LSAMP: variants seen among roughly 807,000 people sequenced by gnomAD.
LSAMP encodes the protein limbic system associated membrane protein, also known as limbic system-associated membrane protein.
LSAMP carries 7 observed loss-of-function variants against 38.6 expected under a neutral mutation model. That is an observed-to-expected ratio of 0.18 (90% confidence interval 0.10 to 0.34). LSAMP has a LOEUF of 0.34. Ranked by LOEUF, LSAMP falls within the 10% of genes least tolerant of loss-of-function variation. The pLI, the probability that LSAMP is intolerant of heterozygous loss-of-function variation, is 1.00. For synonymous variants in LSAMP, 154 were observed against 166.8 expected, an observed-to-expected ratio of 0.92 and a Z score of 0.59; for missense variants, 313 against 420.0, an observed-to-expected ratio of 0.75 and a Z score of 2.23.
In LSAMP at chr3:115,854,250, ATATTAT is replaced by A. The variant is rs769267859; in HGVS notation, c.515-1639_515-1634del. Among the ~76,000 whole-genome samples, 459 of 123,892 alleles carry A rather than the reference ATATTAT, an allele frequency of 3.7e-3. 5 individuals carry two copies. Among genetic ancestry groups the A allele is most frequent in the East Asian group, 7.7e-3 (33 of 4,270 alleles). The allele number at this position is 123,892 out of a possible 152,430, so 81.3% of individuals were successfully genotyped here. A position where few individuals can be genotyped will look rare whatever the true frequency, so the allele number is the denominator to read the frequency against. On this transcript the variant is annotated intron_variant, in intron 3 of 6. Transcript: ENST00000490035. ...GAATTAGTCTATAGCATATAGTTAA[ATATTAT>A]TATTATTATTATTATTATTATTATT...
chr3:116,057,364 T>A (rs986295534), intron 2 of LSAMP, among the ~76,000 whole-genome samples: 4 of 152,234 alleles, frequency 2.6e-5, no homozygotes, highest in African/African-American at 7.2e-5. Context: ...CTTTCACTTT[T>A]ATCTGCGTAG....
chr3:116,295,254 A>G (rs1461128), intron 1 of LSAMP, among the ~76,000 whole-genome samples: 5,616 of 152,252 alleles, frequency 0.037, 135 homozygotes, highest in Middle Eastern at 0.068. Context: ...AGTAAGGATG[A>G]GGGGAGCCTC....
At chr3:116,389,089 G>A (rs1047568788) in intron 1 of LSAMP, among the ~76,000 whole-genome samples, 1 of 152,182 alleles carries the variant, frequency 6.6e-6, no homozygotes, top group Admixed American at 6.5e-5. Context: ...GTCTTGGAGG[G>A]ATGGGAAAAA....
chr3:116,103,003 C>A (rs1288755087), intron 1 of LSAMP, among the ~76,000 whole-genome samples: 1 of 151,490 alleles, frequency 6.6e-6, no homozygotes, highest in South Asian at 2.1e-4. Context: ...GTATTACCCA[C>A]CCCCCCAAAA....
At chr3:116,080,748 T>A (rs1707854329) in intron 2 of LSAMP, among the ~76,000 whole-genome samples, 1 of 152,218 alleles carries the variant, frequency 6.6e-6, no homozygotes, top group Non-Finnish European at 1.5e-5. Flanking sequence ...TTAGTAGACT[T>A]CAGCATATAA....
intron 1 of LSAMP, among the ~76,000 whole-genome samples, chr3:116,128,094 C>T (rs1356457515): frequency 6.6e-6 from 1 of 152,034 alleles, no homozygotes; most frequent in Non-Finnish European, 1.5e-5. Context: ...TTAACATTTG[C>T]TCATTAATTC....
intron 1 of LSAMP, among the ~76,000 whole-genome samples, chr3:116,272,365 G>A (rs879931069): frequency 6.6e-6 from 1 of 151,972 alleles, no homozygotes; most frequent in African/African-American, 2.4e-5. Context: ...TCTGTCACTG[G>A]GCAAGATAAG....
intron 3 of LSAMP, among the ~76,000 whole-genome samples, chr3:115,903,453 A>G (rs1314684973): frequency 6.6e-6 from 1 of 152,148 alleles, no homozygotes; most frequent in Non-Finnish European, 1.5e-5. Flanking sequence ...GAGTTTACCT[A>G]TATAAAAAAC....
At chr3:115,857,556 T>C (rs1172196204) in intron 3 of LSAMP, among the ~76,000 whole-genome samples, 1 of 152,226 alleles carries the variant, frequency 6.6e-6, no homozygotes, top group Non-Finnish European at 1.5e-5. Context: ...TTCAGTATTT[T>C]GGTATTTTAA....
intron 2 of LSAMP, among the ~76,000 whole-genome samples, chr3:116,079,731 A>G (rs1707832361): frequency 6.6e-6 from 1 of 152,034 alleles, no homozygotes; most frequent in African/African-American, 2.4e-5. Flanking sequence ...AAACATTATA[A>G]AGACAACCCA....
At chr3:116,224,565 C>T (rs547827437) in intron 1 of LSAMP, among the ~76,000 whole-genome samples, 115 of 152,276 alleles carry the variant, frequency 7.6e-4, no homozygotes, top group African/African-American at 2.6e-3. Context: ...TTTTTTTCTG[C>T]ATATCTTCAC....
chr3:116,394,886 C>T (rs537808922), intron 1 of LSAMP, among the ~76,000 whole-genome samples: 7 of 152,162 alleles, frequency 4.6e-5, no homozygotes, highest in South Asian at 2.1e-4. Flanking sequence ...CTGTGGCTGT[C>T]GATACATAGT....
chr3:116,138,601 C>G (rs1232297926), intron 1 of LSAMP, among the ~76,000 whole-genome samples: 1 of 151,978 alleles, frequency 6.6e-6, no homozygotes, highest in African/African-American at 2.4e-5. Flanking sequence ...GAGCAGCATT[C>G]AGGATGGCGC....
rs181280999 is a variant in LSAMP at position 115,994,079 on chromosome 3, C to A, written c.514+25436G>T. Among the ~76,000 whole-genome samples the A allele has an allele frequency of 1.1e-3, 167 of 152,088 alleles. 1 individual carries two copies. The highest frequency in any genetic ancestry group is 1.7e-3 in the Non-Finnish European group (118 of 67,962). On this transcript the variant is annotated intron_variant, in intron 3 of 6. Transcript: ENST00000490035. ...CTCTACCTTTGTGATTTGAATCTGG[C>A]CTTTGGAAATAACCACTGACAACCT... is the stretch of plus-strand genomic sequence containing the variant.
chr3:116,271,092 G>A (rs895395056), intron 1 of LSAMP, among the ~76,000 whole-genome samples: 1 of 152,028 alleles, frequency 6.6e-6, no homozygotes, highest in African/African-American at 2.4e-5. Flanking sequence ...TGTTGCCATG[G>A]TTCCACTCTA....
At chr3:115,967,131 T>G (rs116715102) in intron 3 of LSAMP, among the ~76,000 whole-genome samples, 3,301 of 152,294 alleles carry the variant, frequency 0.022, 75 homozygotes, top group African/African-American at 0.063. Flanking sequence ...TCATGGTCTG[T>G]TTCCCTTTTA....
intron 2 of LSAMP, among the ~76,000 whole-genome samples, chr3:116,054,696 A>G (rs1210412491): frequency 6.6e-6 from 1 of 152,234 alleles, no homozygotes; most frequent in African/African-American, 2.4e-5. Flanking sequence ...TATAAAAAGT[A>G]AAAACATAAT....
intron 1 of LSAMP, among the ~76,000 whole-genome samples, chr3:116,327,766 G>A (rs943663812): frequency 2.0e-5 from 3 of 152,094 alleles, no homozygotes; most frequent in African/African-American, 7.2e-5. Flanking sequence ...TTTGGCAACA[G>A]GATGTGATTG....
intron 3 of LSAMP, among the ~76,000 whole-genome samples, chr3:115,854,250 ATATTATTATTAT>A (rs769267859): frequency 3.0e-4 from 37 of 124,230 alleles, no homozygotes; most frequent in African/African-American, 8.3e-4. Context: ...ATATAGTTAA[ATATTATTATTAT>A]TATTATTATT....
Sources: gnomAD v4.1 joint callset for allele counts (sites outside exome capture counted in the v4.1 genomes callset) on GRCh38, gnomAD v4.1.1 for gene constraint, MANE v1.5 for transcripts, NCBI Gene and HGNC (gene_info 2026-07-23, HGNC 2026-07-21) for gene names.